Variants in SOX6 observed in about 807,000 individuals in gnomAD.
SOX6 encodes the protein transcription factor SOX-6.
A neutral mutation model predicts 97.8 loss-of-function variants in SOX6; 11 were observed. The ratio of observed to expected loss-of-function variants is 0.11; its 90% confidence interval spans 0.07 to 0.19. The LOEUF is 0.19. Among genes scored for constraint, SOX6 ranks in the 10% least tolerant of loss-of-function variants. The pLI is 1.00. For synonymous variants in SOX6, 360 were observed against 371.4 expected, an observed-to-expected ratio of 0.97 and a Z score of 0.35; for missense variants, 810 against 1,039.5, an observed-to-expected ratio of 0.78 and a Z score of 3.04.
At chr11:16,045,029 C>T (rs1268106280) in intron 12 of SOX6, among the ~76,000 whole-genome samples, 1 of 152,130 alleles carries the variant, frequency 6.6e-6, no homozygotes, top group Non-Finnish European at 1.5e-5. Flanking sequence ...TCTCATCCCT[C>T]TCCCGTGTGT....
At chr11:16,369,890 A>T (rs1449153499) in intron 1 of SOX6, among the ~76,000 whole-genome samples, 4 of 152,120 alleles carry the variant, frequency 2.6e-5, no homozygotes, top group Non-Finnish European at 4.4e-5. Flanking sequence ...GAGACAACGG[A>T]CTTCCTTCCT....
chr11:16,706,020 T>C (rs1848129781), intron 3 of SOX6, among the ~76,000 whole-genome samples: 1 of 152,126 alleles, frequency 6.6e-6, no homozygotes, highest in Non-Finnish European at 1.5e-5. Context: ...TTCAACTCTC[T>C]AATTGAAAGG....
intron 4 of SOX6, among the ~76,000 whole-genome samples, chr11:16,523,791 T>TA (rs1165433019): frequency 1.3e-5 from 2 of 152,034 alleles, no homozygotes; most frequent in African/African-American, 4.8e-5. Context: ...TAAAAAGTGA[T>TA]AAAGGGGATA....
chr11:16,500,890 T>A (rs530135389), intron 4 of SOX6, among the ~76,000 whole-genome samples: 1 of 152,230 alleles, frequency 6.6e-6, no homozygotes, highest in South Asian at 2.1e-4. Context: ...CTGCCCAAGG[T>A]AATTTATAGA....
At chr11:16,435,335 G>A (rs1287018829) in intron 1 of SOX6, among the ~76,000 whole-genome samples, 3 of 152,052 alleles carry the variant, frequency 2.0e-5, no homozygotes, top group Admixed American at 6.6e-5. Context: ...TATATCTTTT[G>A]CAAATTCCGA....
intron 4 of SOX6, among the ~76,000 whole-genome samples, chr11:16,192,631 C>T (rs1171884526): frequency 6.7e-6 from 1 of 149,782 alleles, no homozygotes; most frequent in Admixed American, 6.7e-5. Context: ...TTTAACTTTA[C>T]AAACTATTAC....
At chr11:16,329,922 T>C (rs1856232173) in intron 2 of SOX6, among the ~76,000 whole-genome samples, 2 of 152,194 alleles carry the variant, frequency 1.3e-5, no homozygotes, top group South Asian at 4.1e-4. Context: ...ACATTCAGAA[T>C]GGCAGTTATT....
At chr11:16,269,463 G>A (rs371299553) in intron 3 of SOX6, among the ~76,000 whole-genome samples, 14 of 150,124 alleles carry the variant, frequency 9.3e-5, no homozygotes, top group Non-Finnish European at 2.1e-4. Flanking sequence ...TAAAAACTTC[G>A]GGGAATGTGT....
At chr11:16,540,398 T>C (rs560950934) in intron 4 of SOX6, among the ~76,000 whole-genome samples, 32 of 152,066 alleles carry the variant, frequency 2.1e-4, no homozygotes, top group African/African-American at 6.8e-4. Flanking sequence ...GCATTCCCTT[T>C]GAAAACTGGC....
intron 6 of SOX6, 42 bp from the exon 7 acceptor site, chr11:16,111,965 T>A: frequency 6.2e-7 from 1 of 1,610,746 alleles, no homozygotes; most frequent in Non-Finnish European, 8.5e-7. Flanking sequence ...AGGGAGCAAA[T>A]GTATGCCAAG....
intron 4 of SOX6, among the ~76,000 whole-genome samples, chr11:16,526,416 A>T (rs982063960): frequency 7.1e-4 from 107 of 150,436 alleles, no homozygotes; most frequent in African/African-American, 2.5e-3. Context: ...TCTCACTCAT[A>T]GGTGGGAATT....
At chr11:16,350,043 G>A (rs1856896859) in intron 1 of SOX6, among the ~76,000 whole-genome samples, 2 of 152,164 alleles carry the variant, frequency 1.3e-5, no homozygotes, top group South Asian at 4.1e-4. Flanking sequence ...GCAAAAAAGG[G>A]GGAGGCACTG....
In SOX6 at chr11:16,655,581, T is replaced by C. The variant is rs192724794; in HGVS notation, n.430-43321A>G. On this transcript the variant is annotated intron_variant and non_coding_transcript_variant, in intron 3 of 5. Transcript: ENST00000524520. The stretch of plus-strand genomic sequence containing the variant: ...CAGTACTCAAAGTATACTTTTGATA[T>C]GGAATAAATCTTTTCTCAATTCTGG... 7.9e-3 allele frequency among the ~76,000 whole-genome samples: 1,198 copies of C among 152,360 alleles called. 14 individuals carry two copies. Among genetic ancestry groups the C allele is most frequent in the African/African-American group, 0.027 (1,142 of 41,582 alleles).
At chr11:15,995,999 T>C (rs1446691784) in intron 13 of SOX6, among the ~76,000 whole-genome samples, 3 of 151,964 alleles carry the variant, frequency 2.0e-5, no homozygotes, top group Non-Finnish European at 4.4e-5. Context: ...GAAATAACAC[T>C]CAATAAAAAC....
intron 1 of SOX6, among the ~76,000 whole-genome samples, chr11:16,442,491 G>C (rs1405557095): frequency 6.6e-6 from 1 of 151,976 alleles, no homozygotes; most frequent in Non-Finnish European, 1.5e-5. Context: ...AAAATGACAT[G>C]CATTCACATA....
intron 2 of SOX6, among the ~76,000 whole-genome samples, chr11:16,321,121 T>C (rs1855910152): frequency 6.6e-6 from 1 of 152,274 alleles, no homozygotes; most frequent in South Asian, 2.1e-4. Context: ...TGCAGAGATA[T>C]ATTTGTCAAA....
rs1361197499 is a variant in SOX6, at chr11:16,603,904, G to C, written n.609+8177C>G. Among the ~76,000 whole-genome samples, 4 of 152,332 alleles carry C rather than the reference G, an allele frequency of 2.6e-5. No individual in the cohort carries two copies. In the South Asian group the frequency reaches 8.3e-4, roughly 32 times the overall value. On this transcript the variant is annotated intron_variant and non_coding_transcript_variant, in intron 4 of 5. Coordinates refer to the SOX6 transcript ENST00000524520. ...TCCCGAGGCTGCCCTGGCAGGTTCG[G>C]CCCTCCCTCGGGAATCCTGGAACCC...
intron 15 of SOX6, among the ~76,000 whole-genome samples, chr11:15,982,488 A>G (rs886940792): frequency 2.6e-5 from 4 of 152,076 alleles, no homozygotes; most frequent in Admixed American, 6.6e-5. Flanking sequence ...GATTGGTTCC[A>G]GGACCCCCAC....
intron 6 of SOX6, among the ~76,000 whole-genome samples, chr11:16,166,927 G>C (rs951702692): frequency 6.6e-6 from 1 of 152,148 alleles, no homozygotes; most frequent in African/African-American, 2.4e-5. Flanking sequence ...GCTTTACTGA[G>C]AGTAGGAACC....
Sources: gnomAD v4.1 joint callset for allele counts (sites outside exome capture counted in the v4.1 genomes callset) on GRCh38, gnomAD v4.1.1 for gene constraint, MANE v1.5 for transcripts, NCBI Gene and HGNC (gene_info 2026-07-23, HGNC 2026-07-21) for gene names.